The following BRWD1 variants were observed in gnomAD, a reference collection of about 807,000 sequenced individuals.
The protein encoded by BRWD1 is bromodomain and WD repeat domain containing 1.
A neutral mutation model predicts 251.2 loss-of-function variants in BRWD1; 82 were observed. The observed-to-expected ratio is 0.33, with a 90% CI of 0.27 to 0.39. The LOEUF (loss-of-function observed/expected upper bound fraction) is 0.39, where lower values mean the gene tolerates loss of function less well. Among genes scored for constraint, BRWD1 ranks in the 10% least tolerant of loss-of-function variants. The pLI is 1.00. For synonymous variants in BRWD1, 918 were observed against 902.8 expected, an observed-to-expected ratio of 1.02 and a Z score of -0.30; for missense variants, 2,233 against 2,711.6, an observed-to-expected ratio of 0.82 and a Z score of 3.92.
At chr21:39,243,598 C>T (rs988987368) in intron 21 of BRWD1, among the ~76,000 whole-genome samples, 5 of 151,996 alleles carry the variant, frequency 3.3e-5, no homozygotes, top group African/African-American at 1.2e-4. Flanking sequence ...GGTGTGTCAC[C>T]ACACCCAGCT....
rs151033869 is a variant in BRWD1, at chr21:39,287,283, C to T, written c.831+6528G>A. 4.9e-3 allele frequency among the ~76,000 whole-genome samples: 753 copies of T among 152,268 alleles called. 5 individuals carry two copies. The highest frequency in any genetic ancestry group is 0.017 in the African/African-American group (715 of 41,546). ...ACGTTTGTCCCTTTTCCTGAGGTTC[C>T]TTATTGAAAAGCTCTCCACCTTTCT... On this transcript the variant is annotated intron_variant, in intron 8 of 40. Transcript: ENST00000342449.
Position 39,189,950 on chromosome 21 carries a change from A to C in BRWD1, c.*6309T>G. 1 of 985,372 alleles carries C rather than the reference A, an allele frequency of 1.0e-6. No homozygotes were observed. Among genetic ancestry groups the C allele is most frequent in the Non-Finnish European group, 1.2e-6 (1 of 829,894 alleles). The allele number at this position is 985,372 out of a possible 1,614,324, so 61.0% of individuals were successfully genotyped here. ...GCCTCAGATGAGTCTTGTTTCAGTCATGGGTTTACAAAGTCATTGAGTGCT... is the reference window on the plus strand; with the variant it reads ...GCCTCAGATGAGTCTTGTTTCAGTCCTGGGTTTACAAAGTCATTGAGTGCT... On this transcript the variant is annotated 3_prime_UTR_variant, in exon 41 of 41. Coordinates refer to ENST00000342449, the MANE Select transcript of BRWD1 (RefSeq NM_033656.4).
In BRWD1 at chr21:39,189,343, TA is replaced by T; in HGVS notation, c.*6915del. ...AACTACAATTTGTAACAAAATGCTT[TA>T]AGTTGCAGAAATTCCATTTTGATGT... On this transcript the variant is annotated 3_prime_UTR_variant, in exon 41 of 41. Coordinates refer to ENST00000342449, the MANE Select transcript of BRWD1 (RefSeq NM_033656.4). 1.0e-6 allele frequency: 1 copy of T among 985,240 alleles called. No individual in the cohort carries two copies. The highest frequency in any genetic ancestry group is 1.2e-6 in the Non-Finnish European group (1 of 829,770). The allele number at this position is 985,240 out of a possible 1,614,324, so 61.0% of individuals were successfully genotyped here. A position where few individuals can be genotyped will look rare whatever the true frequency, so the allele number is the denominator to read the frequency against.
At position 39,197,329 on chromosome 21, in the gene BRWD1, C is replaced by T. The variant is rs1438887963; in HGVS notation, c.5740G>A (p.Val1914Ile). 1.2e-6 allele frequency: 2 copies of T among 1,614,016 alleles called. No homozygotes were observed. The highest frequency in any genetic ancestry group is 1.7e-6 in the Non-Finnish European group (2 of 1,179,924). ...SSDSDSSLQV[V>I]KKSSKARTGL... The stretch of plus-strand genomic sequence containing the variant: ...GTTCTGGCTTTTGATGATTTCTTAA[C>T]CACCTGTAAACTACTGTCTGAGTCA... Residue 1914 changes from valine to isoleucine, a missense_variant, in exon 41 of 41, where the codon GTT (valine) becomes ATT (isoleucine). Coordinates refer to ENST00000342449, the MANE Select transcript of BRWD1 (RefSeq NM_033656.4).
chr21:39,313,664 T>G (rs3746885), upstream of BRWD1: 145 of 430,976 alleles, frequency 3.4e-4, 1 homozygote, highest in East Asian at 4.2e-3. Context: ...AGGAAGTAGT[T>G]CCTCCGCGGG....
At chr21:39,316,013 G>A (rs554677078), upstream of BRWD1, among the ~76,000 whole-genome samples, 74 of 152,284 alleles carry the variant, frequency 4.9e-4, 2 homozygotes, top group South Asian at 0.015. Flanking sequence ...ATGACTACTT[G>A]GGGTGACTTT....
At chr21:39,309,055 T>C (rs910272345) in intron 4 of BRWD1, among the ~76,000 whole-genome samples, 8 of 151,996 alleles carry the variant, frequency 5.3e-5, no homozygotes, top group African/African-American at 1.9e-4. Flanking sequence ...GCGCCTGTAG[T>C]CCCAGCTACT....
intron 36 of BRWD1, among the ~76,000 whole-genome samples, chr21:39,208,826 C>T (rs2032530270): frequency 6.6e-6 from 1 of 152,126 alleles, no homozygotes; most frequent in African/African-American, 2.4e-5. Flanking sequence ...ACCTTGGCCT[C>T]CCAAATTCCA....
At position 39,258,683 on chromosome 21, in the gene BRWD1, A is replaced by C; in HGVS notation, c.1886-11T>G. The C allele has an allele frequency of 6.5e-7, 1 of 1,545,950 alleles. No individual in the cohort carries two copies. The highest frequency in any genetic ancestry group is 8.7e-7 in the Non-Finnish European group (1 of 1,147,010). On this transcript the variant is annotated splice_polypyrimidine_tract_variant and intron_variant, in intron 17 of 40. Transcript: ENST00000342449. ...TCACCTCTCCATCACCTACAAATTCAATTATTTAATATATAATCATATAAA... is the reference window on the plus strand; with the variant it reads ...TCACCTCTCCATCACCTACAAATTCCATTATTTAATATATAATCATATAAA...
intron 4 of BRWD1, among the ~76,000 whole-genome samples, chr21:39,303,319 G>A (rs1445323260): frequency 6.6e-6 from 1 of 151,972 alleles, no homozygotes; most frequent in African/African-American, 2.4e-5. Context: ...AGGAGTTCAA[G>A]ACCAGCCTGG....
At chr21:39,240,292 TTC>T (rs562421488) in intron 21 of BRWD1, among the ~76,000 whole-genome samples, 1 of 152,170 alleles carries the variant, frequency 6.6e-6, no homozygotes, top group Non-Finnish European at 1.5e-5. Context: ...AGTAAAATCA[TTC>T]TGTGTGATAT....
At chr21:39,272,163 G>C (rs766199222) in intron 13 of BRWD1, among the ~76,000 whole-genome samples, 1 of 151,628 alleles carries the variant, frequency 6.6e-6, no homozygotes, top group African/African-American at 2.4e-5. Context: ...GGCCGGGCGC[G>C]GTGGCTCACG....
chr21:39,292,391 G>T (rs1030272691), intron 8 of BRWD1, among the ~76,000 whole-genome samples: 1 of 152,076 alleles, frequency 6.6e-6, no homozygotes, highest in Admixed American at 6.6e-5. Flanking sequence ...ATAACTAACG[G>T]ATGTAAGGCA....
At position 39,202,560 on chromosome 21, in the gene BRWD1, G is replaced by A. The variant is rs2032164560; in HGVS notation, c.4365-15C>T. 2 of 1,573,958 alleles carry A rather than the reference G, an allele frequency of 1.3e-6. No individual in the cohort carries two copies. The highest frequency in any genetic ancestry group is 1.4e-5 in the African/African-American group (1 of 74,046). ...GCTTGAGGTTTCTGGCCAAACATAT[G>A]AACAAAGGAAACAGTATTTAACAAA... On this transcript the variant is annotated splice_polypyrimidine_tract_variant and intron_variant, in intron 37 of 40. Transcript: ENST00000342449.
intron 31 of BRWD1, among the ~76,000 whole-genome samples, chr21:39,217,672 T>C (rs2033011692): frequency 1.3e-5 from 2 of 152,056 alleles, no homozygotes; most frequent in Non-Finnish European, 2.9e-5. Flanking sequence ...AAAACCACTA[T>C]TTACCAAGAA....
chr21:39,299,084 A>G (rs1335433606), intron 4 of BRWD1, among the ~76,000 whole-genome samples: 2 of 152,110 alleles, frequency 1.3e-5, no homozygotes, highest in Admixed American at 6.6e-5. Flanking sequence ...TTAGCCAGGC[A>G]TGGTGGTGCA....
chr21:39,286,016 C>CT lies in BRWD1; in HGVS notation c.832-5769dup, dbSNP rs57151774. 3.9e-3 allele frequency among the ~76,000 whole-genome samples: 404 copies of CT among 104,774 alleles called. 33 individuals are homozygous for CT. Among genetic ancestry groups the CT allele is most frequent in the African/African-American group, 0.015 (372 of 25,626 alleles). The allele number at this position is 104,774 out of a possible 152,430, so 68.7% of individuals were successfully genotyped here. ...CATAACATAAAACTCACCATATGAA[C>CT]TTTTTTTTTTTTTTTGAGTCAAGAG... is the stretch of plus-strand genomic sequence containing the variant. On this transcript the variant is annotated intron_variant, in intron 8 of 40. Coordinates refer to ENST00000342449, the MANE Select transcript of BRWD1 (RefSeq NM_033656.4).
At chr21:39,281,776 G>C (rs934253594) in intron 8 of BRWD1, among the ~76,000 whole-genome samples, 3 of 151,710 alleles carry the variant, frequency 2.0e-5, no homozygotes, top group Admixed American at 6.6e-5. Context: ...GCTGAGGCAG[G>C]AGAATCGCTT....
upstream of BRWD1, chr21:39,314,860 TACTAGTAAACCGTAGGTAATTCCTC>T (rs2036666455): frequency 6.4e-6 from 1 of 157,152 alleles, no homozygotes; most frequent in African/African-American, 2.4e-5. Flanking sequence ...CAGTGTTCCT[TACTAGTAAACCGTAGGTAATTCCTC>T]ACTAGTAAAC....
Sources: allele counts gnomAD v4.1 joint callset (sites outside exome capture counted in the v4.1 genomes callset), GRCh38; gene constraint gnomAD v4.1.1; transcripts MANE v1.5; gene names NCBI Gene and HGNC (gene_info 2026-07-23, HGNC 2026-07-21).